PRKCI: variants seen among roughly 807,000 people sequenced by gnomAD.
PRKCI encodes protein kinase C iota, also known as protein kinase C iota type.
In PRKCI, 43 loss-of-function variants were observed where a neutral mutation model predicts 84.0. That is an observed-to-expected ratio of 0.51 (90% CI 0.40 to 0.66). PRKCI has a LOEUF of 0.66. Among genes scored for constraint, PRKCI ranks in the 30% least tolerant of loss-of-function variants. The pLI is 0.00. For missense variants in PRKCI, 459 were observed against 745.6 expected (o/e 0.62, Z 4.48); for synonymous variants, 216 against 234.4 (o/e 0.92, Z 0.72).
At chr3:170,225,426 C>A (rs1465698352) in intron 1 of PRKCI, among the ~76,000 whole-genome samples, 2 of 152,144 alleles carry the variant, frequency 1.3e-5, no homozygotes, top group Non-Finnish European at 2.9e-5. Flanking sequence ...AACTAGAACA[C>A]CTACCTGATT....
At chr3:170,260,494 C>T (rs560332291) in intron 3 of PRKCI, among the ~76,000 whole-genome samples, 1 of 152,284 alleles carries the variant, frequency 6.6e-6, no homozygotes, top group South Asian at 2.1e-4. Context: ...GACAGTCTCA[C>T]TCTGTCACCC....
chr3:170,282,462 T>A (rs1734271199), intron 11 of PRKCI, among the ~76,000 whole-genome samples: 1 of 151,440 alleles, frequency 6.6e-6, no homozygotes. Flanking sequence ...TTTGGGAGGC[T>A]GAGGCGGGCG....
chr3:170,257,562 C>T (rs1216900738), intron 2 of PRKCI, among the ~76,000 whole-genome samples: 2 of 152,016 alleles, frequency 1.3e-5, no homozygotes, highest in Non-Finnish European at 2.9e-5. Context: ...CTTTTCCTTT[C>T]TCATCTTCTC....
At chr3:170,285,080 T>G (rs1031594518) in intron 12 of PRKCI, among the ~76,000 whole-genome samples, 1 of 143,748 alleles carries the variant, frequency 7.0e-6, no homozygotes, top group Non-Finnish European at 1.5e-5. Flanking sequence ...CTTCATTTCT[T>G]TTTTTTTTTT....
At chr3:170,251,783 G>C (rs953846918) in intron 2 of PRKCI, among the ~76,000 whole-genome samples, 1 of 151,958 alleles carries the variant, frequency 6.6e-6, no homozygotes, top group Non-Finnish European at 1.5e-5. Flanking sequence ...GGTGGTGGGC[G>C]CCTGTAGTCC....
intron 3 of PRKCI, among the ~76,000 whole-genome samples, chr3:170,263,123 C>G (rs992254123): frequency 1.3e-5 from 2 of 149,600 alleles, no homozygotes; most frequent in African/African-American, 4.9e-5. Flanking sequence ...GAGTCGAGAT[C>G]GCGCCACTGC....
intron 6 of PRKCI, among the ~76,000 whole-genome samples, chr3:170,270,982 G>C (rs548750711): frequency 6.6e-6 from 1 of 151,288 alleles, no homozygotes; most frequent in East Asian, 1.9e-4. Context: ...GGCGAGGAAA[G>C]CATTTAAAAT....
chr3:170,256,307 T>C (rs1406729606), intron 2 of PRKCI, among the ~76,000 whole-genome samples: 2 of 152,204 alleles, frequency 1.3e-5, no homozygotes, highest in Non-Finnish European at 2.9e-5. Context: ...TCCTGGGCTT[T>C]TCTTTGCTGA....
chr3:170,242,457 A>G (rs943099661), intron 2 of PRKCI, among the ~76,000 whole-genome samples: 8 of 152,004 alleles, frequency 5.3e-5, no homozygotes, highest in African/African-American at 1.9e-4. Flanking sequence ...AAAAAGAAAA[A>G]GAAAAGACAA....
At chr3:170,229,549 G>A (rs1019645045) in intron 1 of PRKCI, among the ~76,000 whole-genome samples, 3 of 152,144 alleles carry the variant, frequency 2.0e-5, no homozygotes, top group African/African-American at 4.8e-5. Context: ...CTCCTGCCTC[G>A]GCCTCTCAAA....
intron 14 of PRKCI, 75 bp from the exon 15 acceptor site, chr3:170,295,836 C>G (rs1374172077): frequency 2.3e-5 from 20 of 860,454 alleles, no homozygotes; most frequent in Non-Finnish European, 3.4e-5. Flanking sequence ...CAGAACAAGC[C>G]CCTTTCAAAA....
intron 6 of PRKCI, among the ~76,000 whole-genome samples, chr3:170,272,515 A>T (rs1734028357): frequency 6.6e-6 from 1 of 152,152 alleles, no homozygotes; most frequent in Admixed American, 6.6e-5. Flanking sequence ...CAACATATTT[A>T]TGTAGGTTAC....
chr3:170,281,727 C>T (rs1466625914), intron 10 of PRKCI, 155 bp from the exon 11 acceptor site: 13 of 942,436 alleles, frequency 1.4e-5, no homozygotes, highest in Non-Finnish European at 1.8e-5. Flanking sequence ...TCGTATGTTC[C>T]GTACCCTAGA....
chr3:170,270,496 C>T lies in PRKCI; in HGVS notation c.526C>T (p.Leu176Phe), dbSNP rs1436578624. ...AGGATATAAGTGCATCAACTGCAAA[C>T]TCTTGGTTCATAAGAAGTGCCATAA... Reference protein sequence around the residue: ...RQGYKCINCKLLVHKKCHKLV... With the variant: ...RQGYKCINCKFLVHKKCHKLV... Residue 176 changes from leucine to phenylalanine, a missense_variant, in exon 6 of 18, where the codon CTC becomes TTC. This residue lies in a region of PRKCI where 250 missense variants were observed against 319.7 expected (regional missense o/e 0.78). Coordinates refer to ENST00000295797, the MANE Select transcript of PRKCI (RefSeq NM_002740.6). The T allele has an allele frequency of 6.2e-7, 1 of 1,613,208 alleles. No homozygotes were observed. Among genetic ancestry groups the T allele is most frequent in the Non-Finnish European group, 8.5e-7 (1 of 1,179,818 alleles).
intron 2 of PRKCI, among the ~76,000 whole-genome samples, chr3:170,257,326 A>T (rs1733608059): frequency 6.6e-6 from 1 of 152,140 alleles, no homozygotes; most frequent in Non-Finnish European, 1.5e-5. Flanking sequence ...GACTGAAAAG[A>T]TGTCATAGGT....
chr3:170,294,874 TA>T (rs1435918599), intron 14 of PRKCI, among the ~76,000 whole-genome samples: 1 of 152,116 alleles, frequency 6.6e-6, no homozygotes, highest in Admixed American at 6.5e-5. Context: ...TGTAATATCT[TA>T]TTTTTTTTCC....
At chr3:170,249,416 T>TA (rs1333181145) in intron 2 of PRKCI, among the ~76,000 whole-genome samples, 1 of 151,300 alleles carries the variant, frequency 6.6e-6, no homozygotes, top group Non-Finnish European at 1.5e-5. Flanking sequence ...AGAGAGAGAG[T>TA]GCGTGTGTGC....
intron 2 of PRKCI, among the ~76,000 whole-genome samples, chr3:170,256,392 A>G (rs1224004861): frequency 6.6e-6 from 1 of 152,042 alleles, no homozygotes; most frequent in South Asian, 2.1e-4. Flanking sequence ...TCATGGTTCA[A>G]TCTTGGTAGG....
intron 1 of PRKCI, among the ~76,000 whole-genome samples, chr3:170,233,549 G>T (rs895598057): frequency 6.6e-6 from 1 of 151,988 alleles, no homozygotes; most frequent in South Asian, 2.1e-4. Context: ...TTTAGCTTTG[G>T]TACTGTAACA....
Sources: allele counts gnomAD v4.1 joint callset (sites outside exome capture counted in the v4.1 genomes callset), GRCh38; gene constraint gnomAD v4.1.1; regional missense constraint gnomAD v4.1.1; transcripts MANE v1.5; gene names NCBI Gene and HGNC (gene_info 2026-07-23, HGNC 2026-07-21).